Variants in TIMM23B observed in about 807,000 individuals in gnomAD.
The protein encoded by TIMM23B is mitochondrial import inner membrane translocase subunit Tim23B.
TIMM23B carries 27 observed loss-of-function variants against 27.3 expected under a neutral mutation model. The ratio of observed to expected loss-of-function variants is 0.99; its 90% CI spans 0.73 to 1.36. TIMM23B has a LOEUF of 1.36. TIMM23B is among the 40% of genes most tolerant of loss of function. The pLI, the probability that TIMM23B is intolerant of heterozygous loss-of-function variation, is 0.00. For synonymous variants in TIMM23B, 73 were observed against 92.4 expected, an observed-to-expected ratio of 0.79 and a Z score of 1.21; for missense variants, 205 against 244.2, an observed-to-expected ratio of 0.84 and a Z score of 1.07.
At chr10:49,943,074 A>G (rs1839206632) in intron 1 of TIMM23B, among the ~76,000 whole-genome samples, 1 of 152,228 alleles carries the variant, frequency 6.6e-6, no homozygotes, top group African/African-American at 2.4e-5. Context: ...ATATTTCTCT[A>G]GGTATTTTAT....
chr10:49,966,896 G>C (rs1316865795), intron 6 of TIMM23B, among the ~76,000 whole-genome samples: 5 of 152,162 alleles, frequency 3.3e-5, no homozygotes, highest in South Asian at 2.1e-4. Flanking sequence ...TTTCCCTCAT[G>C]ATCTTTCTAT....
intron 5 of TIMM23B, among the ~76,000 whole-genome samples, 174 bp downstream of exon 5, chr10:49,955,234 T>A (rs1839676106): frequency 6.6e-6 from 1 of 152,226 alleles, no homozygotes; most frequent in African/African-American, 2.4e-5. Flanking sequence ...AACTAACTTA[T>A]GAAATAATCT....
intron 2 of TIMM23B, 39 bp from the exon 3 acceptor site, chr10:49,952,087 G>C: frequency 2.1e-6 from 3 of 1,449,698 alleles, no homozygotes; most frequent in Middle Eastern, 1.7e-4. Flanking sequence ...TTTGTGTCTT[G>C]AGGGACACTC....
Position 49,950,931 on chromosome 10 carries a change from TA to T in TIMM23B, c.166-1193del, listed in dbSNP as rs2133061136. Among the ~76,000 whole-genome samples, 4 of 152,370 alleles carry T rather than the reference TA, an allele frequency of 2.6e-5. No homozygotes were observed. In the East Asian group the frequency reaches 7.7e-4, roughly 29 times the overall value. On this transcript the variant is annotated intron_variant, in intron 2 of 6. Transcript: ENST00000651259. ...GCAACCATGGCCTGAGACTGAAGAA[TA>T]ATTATTTACCTTACCACATTGAATC...
intron 5 of TIMM23B, among the ~76,000 whole-genome samples, chr10:49,957,256 T>C (rs1305844456): frequency 8.8e-6 from 1 of 113,316 alleles, no homozygotes; most frequent in African/African-American, 5.8e-5. Flanking sequence ...ATTATAAAGA[T>C]TTTTTTTTTT....
In TIMM23B at chr10:49,958,487, A is replaced by T. The variant is rs1839794995; in HGVS notation, c.514+7A>T. On this transcript the variant is annotated splice_region_variant and intron_variant, in intron 6 of 6. Coordinates refer to ENST00000651259, the MANE Select transcript of TIMM23B (RefSeq NM_001290117.2). ...ATGTTGTATAAATGTACAGGTGAGT[A>T]CTGTTGAATGGGGAGCCATCTCTTA... is the stretch of plus-strand genomic sequence containing the variant. The T allele has an allele frequency of 1.9e-6, 3 of 1,609,368 alleles. No individual in the cohort carries two copies. The African/African-American group carries it at 4.0e-5, about 22-fold the overall frequency.
chr10:49,963,625 G>A (rs9416112), intron 6 of TIMM23B, among the ~76,000 whole-genome samples: 40 of 152,084 alleles, frequency 2.6e-4, no homozygotes, highest in African/African-American at 6.7e-4. Context: ...GTGAGACTCC[G>A]TCTTGAAATG....
At chr10:49,963,921 C>T (rs531020919) in intron 6 of TIMM23B, among the ~76,000 whole-genome samples, 7 of 152,170 alleles carry the variant, frequency 4.6e-5, no homozygotes, top group African/African-American at 1.4e-4. Context: ...GCAGGGATCG[C>T]GCCACTGCAC....
Position 49,942,060 on chromosome 10 carries a change from A to T in TIMM23B, c.-135A>T, listed in dbSNP as rs1249772472. On this transcript the variant is annotated 5_prime_UTR_variant, in exon 1 of 7. Transcript: ENST00000651259. ...AGCGGAAGTGTGGCGCTTAACGGGAACCGGCGCCCGGAATGTCAGCGTGTG... is the reference window on the plus strand; with the variant it reads ...AGCGGAAGTGTGGCGCTTAACGGGATCCGGCGCCCGGAATGTCAGCGTGTG... 2.4e-6 allele frequency: 3 copies of T among 1,235,034 alleles called. No homozygotes were observed. The highest frequency in any genetic ancestry group is 3.3e-6 in the Non-Finnish European group (3 of 900,078). 76.5% of individuals were successfully genotyped at this position (1,235,034 alleles called of 1,614,324 possible).
intron 6 of TIMM23B, among the ~76,000 whole-genome samples, chr10:49,966,354 A>C (rs868983928): frequency 4.6e-5 from 7 of 151,896 alleles, no homozygotes; most frequent in Admixed American, 2.0e-4. Flanking sequence ...GCGAGTTTCC[A>C]TCTCGAAATG....
chr10:49,970,735 G>A (rs572981227), intron 6 of TIMM23B, among the ~76,000 whole-genome samples: 10 of 144,996 alleles, frequency 6.9e-5, no homozygotes, highest in East Asian at 4.4e-4. Flanking sequence ...CCCGGCTGCC[G>A]CCCCGTCTGG....
chr10:49,967,539 G>A (rs1191179617), intron 6 of TIMM23B, among the ~76,000 whole-genome samples: 1 of 148,936 alleles, frequency 6.7e-6, no homozygotes, highest in Middle Eastern at 3.2e-3. Flanking sequence ...TGGAATTCTG[G>A]GTCAGCAGAT....
At chr10:49,965,578 G>A (rs868988271) in intron 6 of TIMM23B, among the ~76,000 whole-genome samples, 2 of 151,812 alleles carry the variant, frequency 1.3e-5, no homozygotes, top group African/African-American at 2.4e-5. Flanking sequence ...GAAATGCCAG[G>A]TGAAATGAAA....
In TIMM23B at chr10:49,963,566, G is replaced by T. The variant is rs59074557; in HGVS notation, c.514+5086G>T. ...GAAGAAATAAATGAAATATTGAAAT[G>T]AATAATAAAATTCTGGGTGCGGTGA... On this transcript the variant is annotated intron_variant, in intron 6 of 6. Coordinates refer to ENST00000651259, the MANE Select transcript of TIMM23B (RefSeq NM_001290117.2). Among the ~76,000 whole-genome samples, 749 of 152,324 alleles carry T rather than the reference G, an allele frequency of 4.9e-3. 11 individuals are homozygous for T. Among genetic ancestry groups the T allele is most frequent in the Middle Eastern group, 0.027 (8 of 294 alleles).
In TIMM23B at chr10:49,942,125, A is replaced by C. The variant is rs1433999564; in HGVS notation, c.-70A>C. ...AACGCGGGGTTACCCGCTGTTATTGAGGAGTAACGGCCCAGCGGACCACCC... is the reference window on the plus strand; with the variant it reads ...AACGCGGGGTTACCCGCTGTTATTGCGGAGTAACGGCCCAGCGGACCACCC... On this transcript the variant is annotated 5_prime_UTR_variant, in exon 1 of 7. Coordinates refer to ENST00000651259, the MANE Select transcript of TIMM23B (RefSeq NM_001290117.2). 1.5e-5 allele frequency: 22 copies of C among 1,494,754 alleles called. No homozygotes were observed. Among genetic ancestry groups the C allele is most frequent in the Non-Finnish European group, 2.0e-5 (22 of 1,109,866 alleles). The allele number at this position is 1,494,754 out of a possible 1,614,324, so 92.6% of individuals were successfully genotyped here. A position where few individuals can be genotyped will look rare whatever the true frequency, so the allele number is the denominator to read the frequency against.
intron 2 of TIMM23B, among the ~76,000 whole-genome samples, chr10:49,951,684 A>T (rs1321980539): frequency 4.1e-4 from 63 of 152,282 alleles, no homozygotes; most frequent in African/African-American, 1.5e-3. Flanking sequence ...ATTGATCCAA[A>T]CTGTTGTACT....
intron 2 of TIMM23B, among the ~76,000 whole-genome samples, chr10:49,947,365 T>C (rs1187100863): frequency 6.6e-6 from 1 of 152,194 alleles, no homozygotes; most frequent in Admixed American, 6.5e-5. Context: ...CCCAGCACTT[T>C]GGGAGGCTGA....
chr10:49,951,141 A>G (rs1339134341), intron 2 of TIMM23B, among the ~76,000 whole-genome samples: 5 of 152,148 alleles, frequency 3.3e-5, no homozygotes, highest in African/African-American at 1.2e-4. Flanking sequence ...TACTTTTGCA[A>G]TTTTTGGTGA....
chr10:49,947,611 A>AAAAT (rs1158733330), intron 2 of TIMM23B, among the ~76,000 whole-genome samples: 8,240 of 151,488 alleles, frequency 0.054, 327 homozygotes, highest in African/African-American at 0.095. Context: ...CTCGGTCTCA[A>AAAAT]AAATAAATAA....
Sources: allele counts gnomAD v4.1 joint callset (sites outside exome capture counted in the v4.1 genomes callset), GRCh38; gene constraint gnomAD v4.1.1; transcripts MANE v1.5; gene names NCBI Gene and HGNC (gene_info 2026-07-23, HGNC 2026-07-21).